Variants in HSF2BP observed in about 807,000 individuals in gnomAD.
The protein encoded by HSF2BP is heat shock factor 2-binding protein.
HSF2BP carries 35 observed loss-of-function variants against 35.0 expected under a neutral mutation model. That is an observed-to-expected ratio of 1.00 (90% CI 0.76 to 1.32). The LOEUF (loss-of-function observed/expected upper bound fraction) is 1.32. Ranked by LOEUF, HSF2BP falls within the 40% of genes most tolerant of loss-of-function variation. HSF2BP has a pLI of 0.00. For missense variants in HSF2BP, 326 were observed against 321.7 expected (o/e 1.01, Z -0.10); for synonymous variants, 114 against 117.4 (o/e 0.97, Z 0.18).
intron 8 of HSF2BP, among the ~76,000 whole-genome samples, chr21:43,586,786 G>T (rs1000690533): frequency 6.6e-6 from 1 of 151,424 alleles, no homozygotes; most frequent in Non-Finnish European, 1.5e-5. Context: ...GGGATAATGA[G>T]ATCTTTTTTT....
chr21:43,617,366 T>G (rs190974355), intron 6 of HSF2BP, among the ~76,000 whole-genome samples: 87 of 152,084 alleles, frequency 5.7e-4, no homozygotes, highest in African/African-American at 2.0e-3. Flanking sequence ...TAAATATCAC[T>G]AAAACATGAA....
chr21:43,636,230 A>C (rs1301298158), intron 4 of HSF2BP, among the ~76,000 whole-genome samples: 1 of 120,280 alleles, frequency 8.3e-6, no homozygotes, highest in Non-Finnish European at 1.6e-5. Context: ...AAAGAAAAGA[A>C]AAGAAAAGAA....
At chr21:43,467,959 TTACACCACACA>T in the HSF2BP span, among the ~76,000 whole-genome samples, 1,809 of 13,448 alleles carry the variant, frequency 0.13, 123 homozygotes, top group African/African-American at 0.33. Context: ...CACACCACAC[TTACACCACACA>T]CACACCACAC....
chr21:43,649,369 G>A (rs1189233913), intron 3 of HSF2BP, among the ~76,000 whole-genome samples: 1 of 151,916 alleles, frequency 6.6e-6, no homozygotes, highest in African/African-American at 2.4e-5. Context: ...GAAGGCTGGG[G>A]TTGCAGTGAG....
rs143769434 is a variant in HSF2BP at position 43,656,648 on chromosome 21, T to G, written c.126A>C (p.Leu42Phe). The change falls in exon 3 of 9, where the codon TTA becomes TTC. Residue 42 changes from leucine (L) to phenylalanine (F), a missense_variant. Coordinates refer to ENST00000291560, the MANE Select transcript of HSF2BP (RefSeq NM_007031.2). ...GCACCTCCCCATTTAGTATTCTGGG[T>G]AAGAAGTCCCGTATTTGCATCACTT... ...TTEVMQIRDF[L>F]PRILNGEVLE... 2.0e-5 allele frequency: 33 copies of G among 1,613,912 alleles called. No individual in the cohort carries two copies. Among genetic ancestry groups the G allele is most frequent in the African/African-American group, 2.7e-5 (2 of 74,950 alleles).
chr21:43,626,238 T>G (rs545300696), intron 6 of HSF2BP, among the ~76,000 whole-genome samples: 58 of 152,282 alleles, frequency 3.8e-4, no homozygotes, highest in Admixed American at 2.1e-3. Flanking sequence ...CCTACCCCAT[T>G]AGGATTTCAA....
intron 7 of HSF2BP, among the ~76,000 whole-genome samples, chr21:43,600,940 C>T (rs1054845899): frequency 6.6e-6 from 1 of 152,240 alleles, no homozygotes; most frequent in African/African-American, 2.4e-5. Context: ...AGGCAATCTT[C>T]CACGCCATGG....
Position 43,613,955 on chromosome 21 carries a change from A to G in HSF2BP, c.575-8T>C, listed in dbSNP as rs1479372829. The G allele has an allele frequency of 2.5e-6, 4 of 1,582,666 alleles. No individual in the cohort carries two copies. The African/African-American group carries it at 5.4e-5, about 21-fold the overall frequency. On this transcript the variant is annotated splice_polypyrimidine_tract_variant and splice_region_variant and intron_variant, in intron 6 of 8. Coordinates refer to ENST00000291560, the MANE Select transcript of HSF2BP (RefSeq NM_007031.2). ...ATGCTATAGCAGCAACATCTGCAAC[A>G]GAAAATGAAACAAAACATCAAGATC...
chr21:43,596,911 T>A (rs908573701), intron 7 of HSF2BP, among the ~76,000 whole-genome samples: 8 of 117,910 alleles, frequency 6.8e-5, no homozygotes, highest in African/African-American at 2.7e-4. Flanking sequence ...AAAAAGAGAA[T>A]TTTTTTTTAT....
intron 3 of HSF2BP, among the ~76,000 whole-genome samples, chr21:43,650,214 A>AT (rs959750302): frequency 1.9e-4 from 28 of 150,408 alleles, no homozygotes; most frequent in East Asian, 1.5e-3. Context: ...CTATTATATA[A>AT]TTTTTTTTTT....
intron 6 of HSF2BP, among the ~76,000 whole-genome samples, chr21:43,615,060 T>A (rs930372731): frequency 6.6e-6 from 1 of 152,224 alleles, no homozygotes; most frequent in Non-Finnish European, 1.5e-5. Flanking sequence ...CATTACTGGC[T>A]CCATCAACAT....
intron 5 of HSF2BP, among the ~76,000 whole-genome samples, chr21:43,631,414 G>A (rs886921623): frequency 1.3e-5 from 2 of 151,898 alleles, no homozygotes; most frequent in Non-Finnish European, 2.9e-5. Flanking sequence ...TCTCATACAT[G>A]TTCCTTCTTT....
At position 43,597,108 on chromosome 21, in the gene HSF2BP, T is replaced by G; in HGVS notation, c.693-4780A>C. On this transcript the variant is annotated intron_variant, in intron 7 of 8. Coordinates refer to ENST00000291560, the MANE Select transcript of HSF2BP (RefSeq NM_007031.2). This position sits in a 1 kb window ranked among gnomAD's most constrained non-coding sequence, Gnocchi z 4.3. The stretch of plus-strand genomic sequence containing the variant: ...GAACAAGGGAGCACTAAAATGTGCA[T>G]GAAAACCCTCCAAGGTCCTGGCCTC... 6.6e-6 allele frequency among the ~76,000 whole-genome samples: 1 copy of G among 151,958 alleles called. No homozygotes were observed. The highest frequency in any genetic ancestry group is 1.9e-4 in the East Asian group (1 of 5,192).
At chr21:43,609,634 G>T (rs1416814700) in intron 7 of HSF2BP, among the ~76,000 whole-genome samples, 1 of 152,036 alleles carries the variant, frequency 6.6e-6, no homozygotes, top group African/African-American at 2.4e-5. Context: ...GTATGAGAAA[G>T]GTCTTGGGGC....
chr21:43,598,870 T>C (rs1048605262), intron 7 of HSF2BP, among the ~76,000 whole-genome samples: 2 of 152,124 alleles, frequency 1.3e-5, no homozygotes, highest in Non-Finnish European at 2.9e-5. Flanking sequence ...TGGAATTCCT[T>C]AGAATTAAAT....
rs375676640 is a variant in HSF2BP at position 43,652,447 on chromosome 21, G to A, written c.187+4140C>T. Among the ~76,000 whole-genome samples the A allele has an allele frequency of 4.7e-5, 7 of 147,556 alleles. No individual in the cohort carries two copies. In the East Asian group the frequency reaches 7.9e-4, roughly 17 times the overall value. On this transcript the variant is annotated intron_variant, in intron 3 of 8. Coordinates refer to ENST00000291560, the MANE Select transcript of HSF2BP (RefSeq NM_007031.2). ...AACTGGAAGTGCACATTAACCTCTA[G>A]AAGCAAAAGGAGTGGATACTGGACA...
In HSF2BP at chr21:43,605,447, C is replaced by T. The variant is rs1017999930; in HGVS notation, c.692+8383G>A. On this transcript the variant is annotated intron_variant, in intron 7 of 8. Transcript: ENST00000291560. ...CTCCAACACACACACATACACACAC[C>T]CCCACATATGCAGCCCACACACCCC... 2.1e-5 allele frequency among the ~76,000 whole-genome samples: 3 copies of T among 142,794 alleles called. No individual in the cohort carries two copies. The South Asian group carries it at 6.9e-4, about 33-fold the overall frequency. The allele number at this position is 142,794 out of a possible 152,430, so 93.7% of individuals were successfully genotyped here.
intron 4 of HSF2BP, among the ~76,000 whole-genome samples, chr21:43,643,514 T>C (rs570965916): frequency 1.3e-5 from 2 of 152,306 alleles, no homozygotes; most frequent in South Asian, 4.1e-4. Flanking sequence ...TTCTCTCTCT[T>C]GCTTTCTCTC....
intron 6 of HSF2BP, among the ~76,000 whole-genome samples, chr21:43,617,223 C>T (rs1018813581): frequency 1.3e-5 from 2 of 151,388 alleles, no homozygotes; most frequent in African/African-American, 2.4e-5. Flanking sequence ...ACTAATACAT[C>T]GCTGAAGAAA....
Sources: gnomAD v4.1 joint callset for allele counts (sites outside exome capture counted in the v4.1 genomes callset) on GRCh38, gnomAD v4.1.1 for gene constraint, Gnocchi (gnomAD v3.1) non-coding constraint, MANE v1.5 for transcripts, NCBI Gene and HGNC (gene_info 2026-07-23, HGNC 2026-07-21) for gene names.